VAMP5: variants seen among roughly 807,000 people sequenced by gnomAD.
VAMP5 encodes the protein vesicle-associated membrane protein 5.
A neutral mutation model predicts 8.1 loss-of-function variants in VAMP5; 10 were observed. The observed-to-expected ratio is 1.23, with a 90% CI of 0.76 to 2.09. The LOEUF (loss-of-function observed/expected upper bound fraction) is 2.09. Ranked by LOEUF, VAMP5 falls within the 30% of genes most tolerant of loss-of-function variation. VAMP5 has a pLI of 0.00. For synonymous variants in VAMP5, 62 were observed against 60.6 expected, an observed-to-expected ratio of 1.02 and a Z score of -0.11; for missense variants, 135 against 152.5, an observed-to-expected ratio of 0.89 and a Z score of 0.60.
At position 85,591,637 on chromosome 2, in the gene VAMP5, A is replaced by C. The variant is rs1444939281; in HGVS notation, c.4-88A>C. On this transcript the variant is annotated intron_variant, in intron 1 of 2. Transcript: ENST00000306384. The stretch of plus-strand genomic sequence containing the variant: ...TTACTCTCATGCTGTACCCACCTAC[A>C]GGGGGAGAAGGAGGCTTCTAGATCT... 3.2e-6 allele frequency: 5 copies of C among 1,580,610 alleles called. No individual in the cohort carries two copies. In the African/African-American group the frequency reaches 5.4e-5, roughly 17 times the overall value.
rs574049625 is a variant in VAMP5 at position 85,584,465 on chromosome 2, C to A, written c.-26C>A. The A allele has an allele frequency of 8.0e-7, 1 of 1,243,954 alleles. No individual in the cohort carries two copies. Among genetic ancestry groups the A allele is most frequent in the Middle Eastern group, 3.1e-4 (1 of 3,252 alleles). 77.1% of individuals were successfully genotyped at this position (1,243,954 alleles called of 1,614,324 possible). On this transcript the variant is annotated 5_prime_UTR_variant, in exon 1 of 3. Coordinates refer to ENST00000306384, the MANE Select transcript of VAMP5 (RefSeq NM_006634.3). Reference sequence around the variant, plus strand: ...GCTCCGCAGGCAGAGAAGCCGGGAGCGGGCGAGGCGGCGGCGGCAGCAGCG... The same window carrying A: ...GCTCCGCAGGCAGAGAAGCCGGGAGAGGGCGAGGCGGCGGCGGCAGCAGCG...
chr2:85,592,814 A>AAG (rs1427691541), intron 2 of VAMP5, 134 bp from the exon 3 acceptor site: 1 of 837,324 alleles, frequency 1.2e-6, no homozygotes, highest in Non-Finnish European at 1.8e-6. Context: ...AAAAAAAAAA[A>AAG]AAGAAAGAAA....
rs1672434704 is a variant in VAMP5 at position 85,584,504 on chromosome 2, A to G, written c.3+11A>G. 1.6e-6 allele frequency: 2 copies of G among 1,239,752 alleles called. No individual in the cohort carries two copies. Among genetic ancestry groups the G allele is most frequent in the African/African-American group, 3.1e-5 (2 of 64,436 alleles). 76.8% of individuals were successfully genotyped at this position (1,239,752 alleles called of 1,614,324 possible). ...GCGGCAGCAGCGATGGTGAGGGCCC[A>G]GGCGGGGCCGGCCAGCCCTGCGACG... is the stretch of plus-strand genomic sequence containing the variant. On this transcript the variant is annotated intron_variant, in intron 1 of 2. Transcript: ENST00000306384.
Position 85,584,501 on chromosome 2 carries a change from C to T in VAMP5, c.3+8C>T. On this transcript the variant is annotated splice_region_variant and intron_variant, in intron 1 of 2. Transcript: ENST00000306384. ...GCGGCGGCAGCAGCGATGGTGAGGG[C>T]CCAGGCGGGGCCGGCCAGCCCTGCG... The T allele has an allele frequency of 1.6e-6, 2 of 1,240,146 alleles. No homozygotes were observed. The highest frequency in any genetic ancestry group is 2.0e-6 in the Non-Finnish European group (2 of 992,610). 76.8% of individuals were successfully genotyped at this position (1,240,146 alleles called of 1,614,324 possible). A position where few individuals can be genotyped will look rare whatever the true frequency, so the allele number is the denominator to read the frequency against.
At chr2:85,586,468 C>A (rs945424091) in intron 1 of VAMP5, among the ~76,000 whole-genome samples, 1 of 151,412 alleles carries the variant, frequency 6.6e-6, no homozygotes, top group Non-Finnish European at 1.5e-5. Flanking sequence ...CCCAACTATG[C>A]GGGAGGTTGA....
intron 1 of VAMP5, among the ~76,000 whole-genome samples, chr2:85,589,027 A>T (rs1458219063): frequency 2.6e-5 from 4 of 152,302 alleles, no homozygotes; most frequent in East Asian, 1.9e-4. Flanking sequence ...GCTCATGCCT[A>T]TAATCCCAGC....
At chr2:85,586,360 A>C (rs1048567418) in intron 1 of VAMP5, among the ~76,000 whole-genome samples, 1 of 151,996 alleles carries the variant, frequency 6.6e-6, no homozygotes, top group African/African-American at 2.4e-5. Flanking sequence ...GCAGATCACG[A>C]GTTCAACAGT....
intron 2 of VAMP5, 87 bp from the exon 3 acceptor site, chr2:85,592,861 C>A: frequency 1.4e-6 from 2 of 1,381,126 alleles, no homozygotes; most frequent in South Asian, 1.2e-5. Flanking sequence ...GGAGACTAAG[C>A]CTTACTGAGA....
At chr2:85,585,334 G>A (rs1672447426) in intron 1 of VAMP5, among the ~76,000 whole-genome samples, 1 of 152,226 alleles carries the variant, frequency 6.6e-6, no homozygotes, top group South Asian at 2.1e-4. Flanking sequence ...CTGGGAAAAT[G>A]GACTGGGCAG....
At chr2:85,584,520 C>T in intron 1 of VAMP5, 27 bp downstream of exon 1, 1 of 1,237,462 alleles carries the variant, frequency 8.1e-7, no homozygotes, top group Non-Finnish European at 1.0e-6. Context: ...GGCCGGCCAG[C>T]CCTGCGACGG....
chr2:85,592,813 A>AG (rs1375451364), intron 2 of VAMP5, 135 bp from the exon 3 acceptor site: 6 of 832,070 alleles, frequency 7.2e-6, no homozygotes, highest in Middle Eastern at 3.7e-4. Flanking sequence ...AAAAAAAAAA[A>AG]AAAGAAAGAA....
intron 1 of VAMP5, among the ~76,000 whole-genome samples, chr2:85,584,698 G>T (rs911222606): frequency 1.3e-5 from 2 of 152,240 alleles, no homozygotes; most frequent in Non-Finnish European, 2.9e-5. Context: ...CGTGAGCCCC[G>T]TCCTGGCTGC....
chr2:85,592,223 G>A (rs1400434684), intron 2 of VAMP5, among the ~76,000 whole-genome samples: 1 of 152,160 alleles, frequency 6.6e-6, no homozygotes, highest in African/African-American at 2.4e-5. Context: ...TCAGCCTCCT[G>A]AAGAGCTAGG....
At chr2:85,586,548 C>T (rs950428317) in intron 1 of VAMP5, among the ~76,000 whole-genome samples, 5 of 151,952 alleles carry the variant, frequency 3.3e-5, no homozygotes, top group Admixed American at 3.3e-4. Flanking sequence ...TGCACTCCAG[C>T]CTGGGTGACA....
chr2:85,588,704 A>C (rs997563839), intron 1 of VAMP5, among the ~76,000 whole-genome samples: 1 of 152,140 alleles, frequency 6.6e-6, no homozygotes, highest in African/African-American at 2.4e-5. Flanking sequence ...CTTAAGTTTT[A>C]TCAGTCGCTT....
At position 85,592,937 on chromosome 2, in the gene VAMP5, G is replaced by T; in HGVS notation, c.142-11G>T. On this transcript the variant is annotated splice_polypyrimidine_tract_variant and intron_variant, in intron 2 of 2. Transcript: ENST00000306384. ...AGCTAACTCCCACTTTGTGTCTGGG[G>T]GTATCCGCAGAGCTCAACCTTCAAC... is the stretch of plus-strand genomic sequence containing the variant. 1 of 1,613,226 alleles carries T rather than the reference G, an allele frequency of 6.2e-7. No individual in the cohort carries two copies. The highest frequency in any genetic ancestry group is 1.3e-5 in the African/African-American group (1 of 74,996).
intron 2 of VAMP5, 149 bp from the exon 3 acceptor site, chr2:85,592,799 T>TAAAAAAAAAAAAAA (rs1672561232): frequency 2.0e-6 from 1 of 493,476 alleles, no homozygotes; most frequent in Non-Finnish European, 3.3e-6. Flanking sequence ...AGACTCCTTC[T>TAAAAAAAAAAAAAA]CAAAAAAAAA....
rs555874143 is a variant in VAMP5, at chr2:85,591,203, A to C, written c.4-522A>C. ...AAGATCTGAGCTTCTCAGTTTGGGG[A>C]TAGAGGGGTTAGGCAGAGACTATGA... is the stretch of plus-strand genomic sequence containing the variant. On this transcript the variant is annotated intron_variant, in intron 1 of 2. Transcript: ENST00000306384. Among the ~76,000 whole-genome samples the C allele has an allele frequency of 2.6e-5, 4 of 152,294 alleles. No individual in the cohort carries two copies. In the East Asian group the frequency reaches 7.7e-4, roughly 29 times the overall value.
chr2:85,591,576 C>T, intron 1 of VAMP5, 149 bp from the exon 2 acceptor site: 4 of 1,233,846 alleles, frequency 3.2e-6, no homozygotes, highest in Non-Finnish European at 4.5e-6. Flanking sequence ...CAGACCTTCA[C>T]TCCGCACACA....
Sources: gnomAD v4.1 joint callset for allele counts (sites outside exome capture counted in the v4.1 genomes callset) on GRCh38, gnomAD v4.1.1 for gene constraint, MANE v1.5 for transcripts, NCBI Gene and HGNC (gene_info 2026-07-23, HGNC 2026-07-21) for gene names.